PCDHGA12: variants seen among roughly 807,000 people sequenced by gnomAD.
PCDHGA12 encodes protocadherin gamma-A12.
A neutral mutation model predicts 61.1 loss-of-function variants in PCDHGA12; 43 were observed. The ratio of observed to expected loss-of-function variants is 0.70; its 90% confidence interval spans 0.55 to 0.91. PCDHGA12 has a LOEUF of 0.91. PCDHGA12 is among the 40% of genes least tolerant of loss of function. PCDHGA12 has a pLI of 0.00. For missense variants in PCDHGA12, 1,236 were observed against 1,227.7 expected, an observed-to-expected ratio of 1.01 and a Z score of -0.10; for synonymous variants, 520 against 542.9, an observed-to-expected ratio of 0.96 and a Z score of 0.59.
chr5:141,451,134 T>A (rs567790185), intron 1 of PCDHGA12, among the ~76,000 whole-genome samples: 1 of 152,254 alleles, frequency 6.6e-6, no homozygotes, highest in South Asian at 2.1e-4. Context: ...AGCCTTATGA[T>A]TGTATTTAGA....
rs1384951887 is a variant in PCDHGA12, at chr5:141,465,860, T to C, written c.2425-28947T>C. ...AACTGAGGCTGGGCCCAGTGGCTCA[T>C]GCCTGTAATCCCAGCACTTTGGGAG... On this transcript the variant is annotated intron_variant, in intron 1 of 3. Coordinates refer to ENST00000252085, the MANE Select transcript of PCDHGA12 (RefSeq NM_003735.3). Among the ~76,000 whole-genome samples the C allele has an allele frequency of 2.0e-5, 3 of 152,114 alleles. No individual in the cohort carries two copies. The South Asian group carries it at 6.2e-4, about 32-fold the overall frequency.
intron 1 of PCDHGA12, among the ~76,000 whole-genome samples, chr5:141,472,266 G>A (rs931951683): frequency 2.0e-5 from 3 of 152,198 alleles, no homozygotes. Flanking sequence ...TTATAGCCGG[G>A]CACAGTGGCT....
Position 141,490,070 on chromosome 5 carries a change from T to C in PCDHGA12, c.2425-4737T>C, listed in dbSNP as rs2099695766. ...CCAGACGAGGGCACCAACGGCCAAC[T>C]AGACTATTCTTTTGGAGACCACACA... On this transcript the variant is annotated intron_variant, in intron 1 of 3. Transcript: ENST00000252085. The surrounding 1 kb of genome is among the most constrained non-coding windows in gnomAD (Gnocchi z 5.4). The C allele has an allele frequency of 6.2e-7, 1 of 1,614,198 alleles. No individual in the cohort carries two copies.
intron 2 of PCDHGA12, among the ~76,000 whole-genome samples, chr5:141,504,039 AC>A (rs1396515708): frequency 6.6e-6 from 1 of 152,184 alleles, no homozygotes; most frequent in African/African-American, 2.4e-5. Context: ...CATTTAGGCA[AC>A]AAATATTTAT....
rs376494807 is a variant in PCDHGA12 at position 141,491,836 on chromosome 5, G to A, written c.2425-2971G>A. 4.2e-5 allele frequency: 62 copies of A among 1,472,880 alleles called. No homozygotes were observed. The highest frequency in any genetic ancestry group is 3.6e-4 in the Middle Eastern group (2 of 5,606). 91.2% of individuals were successfully genotyped at this position (1,472,880 alleles called of 1,614,324 possible). A position where few individuals can be genotyped will look rare whatever the true frequency, so the allele number is the denominator to read the frequency against. On this transcript the variant is annotated intron_variant, in intron 1 of 3. Coordinates refer to ENST00000252085, the MANE Select transcript of PCDHGA12 (RefSeq NM_003735.3). This position sits in a 1 kb window ranked among gnomAD's most constrained non-coding sequence, Gnocchi z 6.9. ...CTGGCTGCGCTCCACCCGATTCTCG[G>A]GATCATTGGACCGTTTGCGCGAAAC...
At chr5:141,433,607 G>A (rs1209706866) in intron 1 of PCDHGA12, among the ~76,000 whole-genome samples, 2 of 152,078 alleles carry the variant, frequency 1.3e-5, no homozygotes, top group East Asian at 1.9e-4. Context: ...AGGCCGAGGC[G>A]GGTGGATCAC....
chr5:141,491,966 G>A lies in PCDHGA12; in HGVS notation c.2425-2841G>A. 1.1e-6 allele frequency: 1 copy of A among 943,066 alleles called. No individual in the cohort carries two copies. Among genetic ancestry groups the A allele is most frequent in the Non-Finnish European group, 1.5e-6 (1 of 669,210 alleles). The allele number at this position is 943,066 out of a possible 1,614,324, so 58.4% of individuals were successfully genotyped here. On this transcript the variant is annotated intron_variant, in intron 1 of 3. Coordinates refer to ENST00000252085, the MANE Select transcript of PCDHGA12 (RefSeq NM_003735.3). The surrounding 1 kb of genome is among the most constrained non-coding windows in gnomAD (Gnocchi z 6.9). ...CCACCCCTACACTCAAAAAAGGCCG[G>A]GGCCTCCTTCGAGCTTCCGGTGAAT...
rs2099417434 is a variant in PCDHGA12, at chr5:141,477,762, C to T, written c.2425-17045C>T. 1 of 1,613,968 alleles carries T rather than the reference C, an allele frequency of 6.2e-7. No homozygotes were observed. The highest frequency in any genetic ancestry group is 8.5e-7 in the Non-Finnish European group (1 of 1,180,032). On this transcript the variant is annotated intron_variant, in intron 1 of 3. Transcript: ENST00000252085. This position sits in a 1 kb window ranked among gnomAD's most constrained non-coding sequence, Gnocchi z 4.9. ...GATGGGGGCACCCCGGTCCTAGCCA[C>T]CAACATCAGCGTGAACATATTTGTC...
At chr5:141,460,882 C>G (rs2098999926) in intron 1 of PCDHGA12, among the ~76,000 whole-genome samples, 1 of 149,600 alleles carries the variant, frequency 6.7e-6, no homozygotes, top group Non-Finnish European at 1.5e-5. Context: ...TTATTTCATG[C>G]CTTTTCGTGG....
At chr5:141,457,514 CAATT>C (rs1258794594) in intron 1 of PCDHGA12, among the ~76,000 whole-genome samples, 2 of 152,260 alleles carry the variant, frequency 1.3e-5, no homozygotes, top group African/African-American at 4.8e-5. Context: ...AGCTTAAAAA[CAATT>C]AATGAGACTA....
chr5:141,432,400 G>A lies in PCDHGA12; in HGVS notation c.1641G>A (p.Ser547=), dbSNP rs139153105. The part of the protein sequence containing the change: ...NGHPPLSSNV[S]LSLFVLDQND... ...ACCCGCCCCTCAGCAGCAACGTGTC[G>A]TTGAGCCTGTTCGTGCTGGACCAGA... The change falls in exon 1 of 4, where the codon TCG becomes TCA. Residue 547 remains serine, a synonymous_variant. Transcript: ENST00000252085. The surrounding 1 kb of genome is among the most constrained non-coding windows in gnomAD (Gnocchi z 6.0). 5.6e-6 allele frequency: 9 copies of A among 1,614,122 alleles called. No homozygotes were observed. In the East Asian group the frequency reaches 6.7e-5, roughly 12 times the overall value.
At position 141,491,798 on chromosome 5, in the gene PCDHGA12, G is replaced by A. The variant is rs1269524283; in HGVS notation, c.2425-3009G>A. 1 of 1,506,648 alleles carries A rather than the reference G, an allele frequency of 6.6e-7. No homozygotes were observed. The highest frequency in any genetic ancestry group is 8.9e-7 in the Non-Finnish European group (1 of 1,128,050). The allele number at this position is 1,506,648 out of a possible 1,614,324, so 93.3% of individuals were successfully genotyped here. ...TTGAACTTGCATCCACTCCTCTCCG[G>A]CCGGCTTGGTCGCTGGCTGCGCTCC... On this transcript the variant is annotated intron_variant, in intron 1 of 3. Coordinates refer to ENST00000252085, the MANE Select transcript of PCDHGA12 (RefSeq NM_003735.3). This position sits in a 1 kb window ranked among gnomAD's most constrained non-coding sequence, Gnocchi z 6.9.
chr5:141,504,988 C>T (rs886919738), intron 2 of PCDHGA12, among the ~76,000 whole-genome samples: 2 of 152,036 alleles, frequency 1.3e-5, no homozygotes, highest in African/African-American at 4.8e-5. Context: ...ATGGTGAAAC[C>T]CCGTCTGTAC....
rs747671382 is a variant in PCDHGA12, at chr5:141,444,152, A to ATTTT, written c.2424+11002_2424+11005dup. Among the ~76,000 whole-genome samples the ATTTT allele has an allele frequency of 5.0e-4, 17 of 33,898 alleles. 5 individuals carry two copies. Among genetic ancestry groups the ATTTT allele is most frequent in the African/African-American group, 7.0e-4 (5 of 7,184 alleles). 22.2% of individuals were successfully genotyped at this position (33,898 alleles called of 152,430 possible). ...GATATGTGTCACTTGTGTGTACTGG[A>ATTTT]TTTTTTTTTTTTTTTTTTTTTTTTT... On this transcript the variant is annotated intron_variant, in intron 1 of 3. Transcript: ENST00000252085.
At chr5:141,498,971 GGGAAGGAA>G (rs201769957) in intron 2 of PCDHGA12, among the ~76,000 whole-genome samples, 18,877 of 110,786 alleles carry the variant, frequency 0.17, 1,784 homozygotes, top group Admixed American at 0.31. Context: ...GAGGGAGGGA[GGGAAGGAA>G]GGAAGGAAGG....
In PCDHGA12 at chr5:141,476,042, T is replaced by C. The variant is rs199923442; in HGVS notation, c.2425-18765T>C. On this transcript the variant is annotated intron_variant, in intron 1 of 3. Coordinates refer to ENST00000252085, the MANE Select transcript of PCDHGA12 (RefSeq NM_003735.3). The surrounding 1 kb of genome is among the most constrained non-coding windows in gnomAD (Gnocchi z 7.6). Reference sequence around the variant, plus strand: ...GACTCGGCGCCCAGCGCCCAAGCGCTAACCCGCTGAAAGTTTCTCAGCGAA... The same window carrying C: ...GACTCGGCGCCCAGCGCCCAAGCGCCAACCCGCTGAAAGTTTCTCAGCGAA... 1.4e-5 allele frequency: 21 copies of C among 1,491,832 alleles called. No individual in the cohort carries two copies. The highest frequency in any genetic ancestry group is 2.7e-6 in the Non-Finnish European group (3 of 1,123,808). 92.4% of individuals were successfully genotyped at this position (1,491,832 alleles called of 1,614,324 possible). A position where few individuals can be genotyped will look rare whatever the true frequency, so the allele number is the denominator to read the frequency against.
chr5:141,488,714 A>G (rs2099678684), intron 1 of PCDHGA12, among the ~76,000 whole-genome samples: 1 of 152,192 alleles, frequency 6.6e-6, no homozygotes, highest in Non-Finnish European at 1.5e-5. Flanking sequence ...TGGTTCAAGC[A>G]AAGTGGTGGA....
At chr5:141,495,013 T>C (rs2099758300) in intron 2 of PCDHGA12, 148 bp downstream of exon 2, 12 of 1,511,014 alleles carry the variant, frequency 7.9e-6, no homozygotes, top group Non-Finnish European at 1.1e-5. Context: ...TGCGGGGGGC[T>C]GGCACACAGA....
Position 141,431,435 on chromosome 5 carries a change from G to T in PCDHGA12, c.676G>T (p.Ala226Ser). The change falls in exon 1 of 4, where the codon GCG becomes TCG. Residue 226 changes from alanine (A) to serine (S), a missense_variant. By Grantham distance (99) the Ala-to-Ser change is moderately conservative. Coordinates refer to ENST00000252085, the MANE Select transcript of PCDHGA12 (RefSeq NM_003735.3). This position sits in a 1 kb window ranked among gnomAD's most constrained non-coding sequence, Gnocchi z 4.8. The stretch of plus-strand genomic sequence containing the variant: ...GGGCGACCCGGTGCGCACAGGCACC[G>T]CGCGCATCCGCGTGATGGTTCTGGA... ...DGGDPVRTGT[A>S]RIRVMVLDAN... is the part of the protein sequence containing the mutation. The T allele has an allele frequency of 6.2e-7, 1 of 1,613,668 alleles. No individual in the cohort carries two copies. Among genetic ancestry groups the T allele is most frequent in the Non-Finnish European group, 8.5e-7 (1 of 1,180,026 alleles).
Sources: allele counts gnomAD v4.1 joint callset (sites outside exome capture counted in the v4.1 genomes callset), GRCh38; gene constraint gnomAD v4.1.1; non-coding constraint Gnocchi (gnomAD v3.1); transcripts MANE v1.5; gene names NCBI Gene and HGNC (gene_info 2026-07-23, HGNC 2026-07-21).